The following MAML3 variants were observed in gnomAD, a reference collection of about 807,000 sequenced individuals.
MAML3 encodes mastermind-like protein 3.
A neutral mutation model predicts 101.9 loss-of-function variants in MAML3; 27 were observed. That is an observed-to-expected ratio of 0.27 (90% CI 0.20 to 0.37). The LOEUF is 0.37. Ranked by LOEUF, MAML3 falls within the 10% of genes least tolerant of loss-of-function variation. MAML3 has a pLI of 1.00. For missense variants in MAML3, 1,316 were observed against 1,444.9 expected, an observed-to-expected ratio of 0.91 and a Z score of 1.45; for synonymous variants, 501 against 555.9, an observed-to-expected ratio of 0.90 and a Z score of 1.39.
At chr4:139,864,733 A>G (rs1731860041) in intron 2 of MAML3, among the ~76,000 whole-genome samples, 1 of 149,774 alleles carries the variant, frequency 6.7e-6, no homozygotes, top group African/African-American at 2.5e-5. Context: ...ATTCCTGATG[A>G]CTAAAAGTCA....
At chr4:139,935,056 A>G (rs1185267438) in intron 1 of MAML3, among the ~76,000 whole-genome samples, 3 of 152,110 alleles carry the variant, frequency 2.0e-5, no homozygotes, top group African/African-American at 7.2e-5. Flanking sequence ...ACGGCTGCCA[A>G]TATCCACTCA....
chr4:139,792,911 A>AT (rs762593916), intron 2 of MAML3, among the ~76,000 whole-genome samples: 93 of 151,556 alleles, frequency 6.1e-4, no homozygotes, highest in Non-Finnish European at 9.3e-4. Flanking sequence ...GGCCAGGCTA[A>AT]TTTTTTTTGT....
At chr4:139,996,538 C>T (rs1422320643) in intron 1 of MAML3, among the ~76,000 whole-genome samples, 4 of 151,890 alleles carry the variant, frequency 2.6e-5, no homozygotes, top group Non-Finnish European at 5.9e-5. Flanking sequence ...TATGAAATAT[C>T]CCTGTCTCTA....
intron 1 of MAML3, among the ~76,000 whole-genome samples, chr4:139,905,309 G>A (rs955231402): frequency 9.9e-5 from 15 of 151,932 alleles, no homozygotes; most frequent in African/African-American, 2.7e-4. Context: ...TGGCTAACAC[G>A]GTGAAACCTG....
intron 1 of MAML3, among the ~76,000 whole-genome samples, chr4:140,098,045 C>T (rs575880286): frequency 2.6e-4 from 40 of 152,320 alleles, no homozygotes; most frequent in East Asian, 9.6e-4. Context: ...AATAAGCTAT[C>T]GTTCATTTAT....
intron 1 of MAML3, among the ~76,000 whole-genome samples, chr4:139,899,497 G>C (rs1732675528): frequency 6.6e-6 from 1 of 152,184 alleles, no homozygotes; most frequent in Admixed American, 6.5e-5. Flanking sequence ...TGAACTGAGG[G>C]GTGCTCTGTG....
chr4:139,816,611 T>C (rs1730897233), intron 2 of MAML3, among the ~76,000 whole-genome samples: 1 of 152,142 alleles, frequency 6.6e-6, no homozygotes, highest in Admixed American at 6.5e-5. Flanking sequence ...GGCTCAGCCC[T>C]GTCTCCCTGA....
intron 2 of MAML3, among the ~76,000 whole-genome samples, chr4:139,768,870 T>A (rs1290554225): frequency 6.6e-6 from 1 of 152,136 alleles, no homozygotes; most frequent in Non-Finnish European, 1.5e-5. Context: ...AATTATATAT[T>A]TTCCCCCCTT....
At position 140,090,225 on chromosome 4, in the gene MAML3, C is replaced by T. The variant is rs886789438; in HGVS notation, c.468+62635G>A. 2.0e-5 allele frequency among the ~76,000 whole-genome samples: 3 copies of T among 152,280 alleles called. No individual in the cohort carries two copies. In the South Asian group the frequency reaches 6.2e-4, roughly 32 times the overall value. On this transcript the variant is annotated intron_variant, in intron 1 of 4. Coordinates refer to ENST00000509479, the MANE Select transcript of MAML3 (RefSeq NM_018717.5). ...TCAATGGACATTCTACAGAGTGCTTCTGTGTAGCTCTGTTTTCCAGTGTGG... is the reference window on the plus strand; with the variant it reads ...TCAATGGACATTCTACAGAGTGCTTTTGTGTAGCTCTGTTTTCCAGTGTGG...
chr4:140,119,852 T>C (rs1157420092), intron 1 of MAML3, among the ~76,000 whole-genome samples: 2 of 152,128 alleles, frequency 1.3e-5, no homozygotes, highest in African/African-American at 4.8e-5. Context: ...TTTAGTCAAC[T>C]ACTATTAGCT....
chr4:140,049,913 G>A (rs1727240763), intron 1 of MAML3, among the ~76,000 whole-genome samples: 1 of 151,922 alleles, frequency 6.6e-6, no homozygotes, highest in South Asian at 2.1e-4. Flanking sequence ...CAACACAGTA[G>A]CTATTTCTAA....
intron 1 of MAML3, among the ~76,000 whole-genome samples, chr4:140,002,433 GAAGCAA>G (rs1303475095): frequency 6.6e-5 from 10 of 152,162 alleles, no homozygotes; most frequent in Non-Finnish European, 1.3e-4. Context: ...GTCTGAGGTG[GAAGCAA>G]AAGCAGAAAA....
intron 1 of MAML3, among the ~76,000 whole-genome samples, chr4:139,981,284 C>T (rs192992614): frequency 2.6e-5 from 4 of 152,184 alleles, no homozygotes; most frequent in African/African-American, 7.2e-5. Flanking sequence ...ATTGGCTTAG[C>T]GCCCTACCCC....
At chr4:139,861,651 G>A (rs974719988) in intron 2 of MAML3, among the ~76,000 whole-genome samples, 15 of 152,224 alleles carry the variant, frequency 9.9e-5, no homozygotes, top group Middle Eastern at 3.4e-3. Context: ...TTGAACTGAG[G>A]TCTGTTGAAA....
intron 1 of MAML3, among the ~76,000 whole-genome samples, chr4:140,075,074 C>A (rs965486408): frequency 1.3e-5 from 2 of 152,144 alleles, no homozygotes; most frequent in East Asian, 3.8e-4. Context: ...CTTTACTGAA[C>A]GCTTATGATA....
intron 1 of MAML3, among the ~76,000 whole-genome samples, chr4:140,028,134 C>T (rs1415181193): frequency 6.6e-6 from 1 of 152,128 alleles, no homozygotes; most frequent in Non-Finnish European, 1.5e-5. Flanking sequence ...ATTAATTATT[C>T]AGGGGCTCTT....
intron 2 of MAML3, among the ~76,000 whole-genome samples, chr4:139,876,583 C>T (rs547640343): frequency 2.0e-5 from 3 of 152,248 alleles, no homozygotes; most frequent in African/African-American, 7.2e-5. Context: ...CTCTGACTGG[C>T]CCCAGCAAGA....
chr4:139,858,471 T>TC (rs1286310236), intron 2 of MAML3, among the ~76,000 whole-genome samples: 3 of 103,430 alleles, frequency 2.9e-5, no homozygotes, highest in Non-Finnish European at 6.1e-5. Flanking sequence ...TTTTTTTTTT[T>TC]TGCAATGCCA....
intron 2 of MAML3, among the ~76,000 whole-genome samples, chr4:139,860,931 A>G (rs1398902664): frequency 2.6e-5 from 4 of 152,086 alleles, no homozygotes; most frequent in African/African-American, 9.7e-5. Context: ...TTAGATCCCC[A>G]GTGTTGAGGT....
Sources: allele counts gnomAD v4.1 joint callset (sites outside exome capture counted in the v4.1 genomes callset), GRCh38; gene constraint gnomAD v4.1.1; transcripts MANE v1.5; gene names NCBI Gene and HGNC (gene_info 2026-07-23, HGNC 2026-07-21).